Variants in RYR2 observed in about 807,000 individuals in gnomAD.
RYR2 encodes the protein ryanodine receptor 2.
A neutral mutation model predicts 601.1 loss-of-function variants in RYR2; 227 were observed. That is an observed-to-expected ratio of 0.38 (90% confidence interval 0.34 to 0.42). The LOEUF is 0.42. Among genes scored for constraint, RYR2 ranks in the 10% least tolerant of loss-of-function variants. The pLI, the probability that RYR2 is intolerant of heterozygous loss-of-function variation, is 1.00. For missense variants in RYR2, 4,646 were observed against 6,156.5 expected (o/e 0.75, Z 8.21); for synonymous variants, 2,223 against 2,175.1 (o/e 1.02, Z -0.61).
At chr1:237,199,889 T>C (rs1330289785) in intron 1 of RYR2, among the ~76,000 whole-genome samples, 1 of 152,236 alleles carries the variant, frequency 6.6e-6, no homozygotes, top group African/African-American at 2.4e-5. Flanking sequence ...TCTACACTGA[T>C]ATTAAATAAA....
chr1:237,553,455 G>C (rs2779385), intron 27 of RYR2, among the ~76,000 whole-genome samples: 136,282 of 152,058 alleles, frequency 0.9, 62,024 homozygotes, highest in East Asian at 0.97. Context: ...ATATTCCATT[G>C]TCTTCATTTT....
intron 1 of RYR2, among the ~76,000 whole-genome samples, chr1:237,190,529 T>C (rs1364739597): frequency 6.6e-6 from 1 of 152,224 alleles, no homozygotes; most frequent in African/African-American, 2.4e-5. Flanking sequence ...TCTCTCTGTG[T>C]GTTCCTTATC....
chr1:237,830,237 A>C (rs1176782314), intron 102 of RYR2: 2 of 293,512 alleles, frequency 6.8e-6, no homozygotes, highest in African/African-American at 4.4e-5. Context: ...GGACATTTTC[A>C]CCTAGGCTAG....
intron 3 of RYR2, chr1:237,333,740 G>T (rs980554413): frequency 1.5e-5 from 6 of 399,558 alleles, no homozygotes; most frequent in Non-Finnish European, 2.0e-5. Context: ...ACTCATTATG[G>T]AACTCTAATG....
At chr1:237,466,343 A>G (rs1660082946) in intron 16 of RYR2, among the ~76,000 whole-genome samples, 1 of 151,904 alleles carries the variant, frequency 6.6e-6, no homozygotes, top group Non-Finnish European at 1.5e-5. Context: ...ATTTTTTAAA[A>G]ATTTTGCACA....
At chr1:237,688,133 G>A (rs538962298) in intron 63 of RYR2, among the ~76,000 whole-genome samples, 166 of 152,256 alleles carry the variant, frequency 1.1e-3, no homozygotes, top group African/African-American at 3.4e-3. Context: ...CTCACTTTCC[G>A]CAGATTTTCC....
chr1:237,629,779 A>G (rs938293539), intron 41 of RYR2, among the ~76,000 whole-genome samples: 3 of 152,212 alleles, frequency 2.0e-5, no homozygotes, highest in Admixed American at 6.5e-5. Context: ...TATCATTTCT[A>G]TACATTTTAA....
Position 237,156,304 on chromosome 1 carries a change from A to T in RYR2, c.48+113735A>T, listed in dbSNP as rs931966164. Among the ~76,000 whole-genome samples the T allele has an allele frequency of 3.9e-5, 6 of 152,064 alleles. No homozygotes were observed. The South Asian group carries it at 1.0e-3, about 26-fold the overall frequency. On this transcript the variant is annotated intron_variant, in intron 1 of 104. Coordinates refer to ENST00000366574, the MANE Select transcript of RYR2 (RefSeq NM_001035.3). ...ACCAAATTGTACATTTTAAAGGTTA[A>T]TTTTTTTTGTTATGTACATTTTACC...
intron 34 of RYR2, 103 bp downstream of exon 34, chr1:237,595,760 T>A: frequency 7.4e-7 from 1 of 1,345,060 alleles, no homozygotes; most frequent in Non-Finnish European, 9.9e-7. Context: ...TAGACACATG[T>A]ACATGTGCCC....
At chr1:237,830,651 A>G (rs1663667521) in intron 103 of RYR2, 21 bp downstream of exon 103, 1 of 1,265,584 alleles carries the variant, frequency 7.9e-7, no homozygotes, top group South Asian at 1.2e-5. Flanking sequence ...CCGTTTCAGA[A>G]TCTTCCACCT....
intron 35 of RYR2, among the ~76,000 whole-genome samples, chr1:237,608,702 C>G (rs1475913201): frequency 6.8e-6 from 1 of 147,654 alleles, no homozygotes; most frequent in East Asian, 2.1e-4. Context: ...GACCTTGTCT[C>G]AATTATTATA....
At chr1:237,080,547 CA>C (rs1665492426) in intron 1 of RYR2, among the ~76,000 whole-genome samples, 1 of 77,978 alleles carries the variant, frequency 1.3e-5, no homozygotes, top group South Asian at 3.9e-4. Context: ...CATCACTGGC[CA>C]TCAGAGAAAT....
At chr1:237,185,692 TG>T (rs1298159920) in intron 1 of RYR2, among the ~76,000 whole-genome samples, 1 of 152,162 alleles carries the variant, frequency 6.6e-6, no homozygotes, top group African/African-American at 2.4e-5. Flanking sequence ...GGTGTGTGGT[TG>T]TGCATTCTCA....
rs1049042773 is a variant in RYR2 at position 237,591,225 on chromosome 1, C to G, written c.4160+233C>G. ...CCTCCTCCCCCTTCTCCTCCTCCCC[C>G]TTCTCCTCCTCCTCTTTGTGCAAAG... On this transcript the variant is annotated intron_variant, in intron 31 of 104. Coordinates refer to ENST00000366574, the MANE Select transcript of RYR2 (RefSeq NM_001035.3). Among the ~76,000 whole-genome samples, 21 of 124,292 alleles carry G rather than the reference C, an allele frequency of 1.7e-4. 1 individual carries two copies. The highest frequency in any genetic ancestry group is 5.8e-4 in the African/African-American group (19 of 32,692). 81.5% of individuals were successfully genotyped at this position (124,292 alleles called of 152,430 possible). A position where few individuals can be genotyped will look rare whatever the true frequency, so the allele number is the denominator to read the frequency against.
At chr1:237,516,798 A>G (rs538123489) in intron 24 of RYR2, among the ~76,000 whole-genome samples, 124 of 152,158 alleles carry the variant, frequency 8.1e-4, no homozygotes, top group African/African-American at 2.9e-3. Flanking sequence ...CTTCTAGCCC[A>G]TTATCAGGTC....
intron 12 of RYR2, among the ~76,000 whole-genome samples, chr1:237,429,275 C>A (rs956533896): frequency 1.3e-5 from 2 of 152,164 alleles, no homozygotes; most frequent in African/African-American, 2.4e-5. Flanking sequence ...GGAAAACCAA[C>A]GCAGGGAGGA....
chr1:237,169,408 C>T (rs1350435555), intron 1 of RYR2, among the ~76,000 whole-genome samples: 1 of 151,986 alleles, frequency 6.6e-6, no homozygotes, highest in Non-Finnish European at 1.5e-5. Flanking sequence ...AAGCAATTCT[C>T]CTGCCTCAGC....
In RYR2 at chr1:237,208,964, A is replaced by ATATATATATGTG. The variant is rs1558427995; in HGVS notation, c.49-61524_49-61523insGTGTATATATAT. The stretch of plus-strand genomic sequence containing the variant: ...TATATATATATATATATATATATAT[A>ATATATATATGTG]TATATATATATATATATATATGTAT... On this transcript the variant is annotated intron_variant, in intron 1 of 104. Coordinates refer to ENST00000366574, the MANE Select transcript of RYR2 (RefSeq NM_001035.3). Among the ~76,000 whole-genome samples, 32 of 104,582 alleles carry ATATATATATGTG rather than the reference A, an allele frequency of 3.1e-4. 1 individual carries two copies. Among genetic ancestry groups the ATATATATATGTG allele is most frequent in the African/African-American group, 9.3e-4 (29 of 31,286 alleles). 68.6% of individuals were successfully genotyped at this position (104,582 alleles called of 152,430 possible). A position where few individuals can be genotyped will look rare whatever the true frequency, so the allele number is the denominator to read the frequency against.
chr1:237,591,089 T>TCTC (rs149710470), intron 31 of RYR2, 97 bp downstream of exon 31: 36 of 739,096 alleles, frequency 4.9e-5, no homozygotes, highest in South Asian at 3.9e-4. Context: ...TTTTCCTCCT[T>TCTC]CTCCTCCTCC....
Sources: gnomAD v4.1 joint callset for allele counts (sites outside exome capture counted in the v4.1 genomes callset) on GRCh38, gnomAD v4.1.1 for gene constraint, MANE v1.5 for transcripts, NCBI Gene and HGNC (gene_info 2026-07-23, HGNC 2026-07-21) for gene names.